The following SSH2 variants were observed in gnomAD, a reference collection of about 807,000 sequenced individuals.
The protein encoded by SSH2 is slingshot protein phosphatase 2.
SSH2 carries 37 observed loss-of-function variants against 135.2 expected under a neutral mutation model. That is an observed-to-expected ratio of 0.27 (90% CI 0.21 to 0.36). The LOEUF (loss-of-function observed/expected upper bound fraction) is 0.36. SSH2 is among the 10% of genes least tolerant of loss of function. The pLI is 1.00. For missense variants in SSH2, 1,408 were observed against 1,765.3 expected (o/e 0.80, Z 3.63); for synonymous variants, 628 against 646.2 (o/e 0.97, Z 0.43).
At chr17:29,648,415 A>G (rs2036463146) in intron 13 of SSH2, 71 bp from the exon 14 acceptor site, 1 of 1,327,198 alleles carries the variant, frequency 7.5e-7, no homozygotes, top group African/African-American at 1.5e-5. Context: ...GTTGGTTTCT[A>G]GATTTTTCCA....
chr17:29,790,738 T>C (rs555213096), intron 3 of SSH2, among the ~76,000 whole-genome samples: 1 of 152,054 alleles, frequency 6.6e-6, no homozygotes, highest in South Asian at 2.1e-4. Context: ...GATTTTTTTT[T>C]TTTTTTTTGA....
In SSH2 at chr17:29,808,004, C is replaced by T. The variant is rs562741319; in HGVS notation, c.145-14067G>A. Among the ~76,000 whole-genome samples the T allele has an allele frequency of 5.3e-5, 8 of 152,236 alleles. No homozygotes were observed. The South Asian group carries it at 1.7e-3, about 32-fold the overall frequency. Reference sequence around the variant, plus strand: ...GTTGAACTGGAGAAAGCAGTGCATTCATAGAAAATTCTGAGAAAATTATTT... The same window carrying T: ...GTTGAACTGGAGAAAGCAGTGCATTTATAGAAAATTCTGAGAAAATTATTT... On this transcript the variant is annotated intron_variant, in intron 2 of 15. Transcript: ENST00000540801.
chr17:29,700,072 C>A (rs753028765), intron 4 of SSH2, among the ~76,000 whole-genome samples: 3 of 152,154 alleles, frequency 2.0e-5, no homozygotes, highest in Non-Finnish European at 4.4e-5. Context: ...CTAAAACAGC[C>A]GAGATTATCT....
At position 29,745,562 on chromosome 17, in the gene SSH2, A is replaced by T. The variant is rs189725932; in HGVS notation, c.189-42500T>A. Among the ~76,000 whole-genome samples the T allele has an allele frequency of 1.6e-4, 24 of 152,254 alleles. No homozygotes were observed. The East Asian group carries it at 1.7e-3, about 11-fold the overall frequency. ...TGTGCTCTTATTTATCCCTTCATTG[A>T]CGTCTTATTTCCTCAACAAACTGAG... On this transcript the variant is annotated intron_variant, in intron 3 of 15. Coordinates refer to ENST00000540801, the MANE Select transcript of SSH2 (RefSeq NM_001282129.2).
chr17:29,913,349 TATATATATATATATA>T (rs1241402451), intron 1 of SSH2, among the ~76,000 whole-genome samples: 4 of 16,606 alleles, frequency 2.4e-4, no homozygotes, highest in Admixed American at 1.4e-3. Context: ...AAAAAAAAAA[TATATATATATATATA>T]TATATATATA....
intron 11 of SSH2, among the ~76,000 whole-genome samples, chr17:29,657,123 T>A (rs1230177755): frequency 1.3e-5 from 2 of 152,132 alleles, no homozygotes; most frequent in Non-Finnish European, 2.9e-5. Flanking sequence ...TGCATCACCA[T>A]GCCCAGCTGA....
chr17:29,881,501 T>G (rs1165683591), intron 1 of SSH2, among the ~76,000 whole-genome samples: 2 of 152,040 alleles, frequency 1.3e-5, no homozygotes, highest in Non-Finnish European at 2.9e-5. Flanking sequence ...TCTCTCTTTC[T>G]CTTTCTTTCT....
chr17:29,765,199 C>G (rs2041415308), intron 3 of SSH2, among the ~76,000 whole-genome samples: 1 of 152,126 alleles, frequency 6.6e-6, no homozygotes, highest in Non-Finnish European at 1.5e-5. Flanking sequence ...TCTGGAGAAT[C>G]CTGAGAAAAT....
At chr17:29,742,491 T>TTC (rs1555625214) in intron 3 of SSH2, among the ~76,000 whole-genome samples, 1 of 146,722 alleles carries the variant, frequency 6.8e-6, no homozygotes, top group African/African-American at 2.5e-5. Context: ...GTTTTTTTTT[T>TTC]TTTTTTTTTC....
intron 1 of SSH2, among the ~76,000 whole-genome samples, chr17:29,927,458 T>G (rs1482336635): frequency 6.6e-6 from 1 of 152,192 alleles, no homozygotes; most frequent in Non-Finnish European, 1.5e-5. Context: ...TAAAATGCCC[T>G]GCATCCTATA....
intron 5 of SSH2, among the ~76,000 whole-genome samples, chr17:29,689,358 T>G (rs1419071034): frequency 6.6e-6 from 1 of 152,210 alleles, no homozygotes; most frequent in South Asian, 2.1e-4. Flanking sequence ...ATTTTGTACA[T>G]AATATCCTAA....
At chr17:29,751,533 T>C (rs913692042) in intron 3 of SSH2, among the ~76,000 whole-genome samples, 1 of 152,232 alleles carries the variant, frequency 6.6e-6, no homozygotes, top group Non-Finnish European at 1.5e-5. Context: ...CATTATGTAC[T>C]GTACATAACT....
At chr17:29,801,152 A>G (rs1245118749) in intron 2 of SSH2, among the ~76,000 whole-genome samples, 3 of 152,316 alleles carry the variant, frequency 2.0e-5, no homozygotes, top group Admixed American at 2.0e-4. Context: ...GGCATAAGCC[A>G]CCATGCCTGG....
At chr17:29,823,716 TA>T (rs2042694403) in intron 2 of SSH2, among the ~76,000 whole-genome samples, 1 of 151,896 alleles carries the variant, frequency 6.6e-6, no homozygotes, top group African/African-American at 2.4e-5. Flanking sequence ...CCATTGCTAC[TA>T]AAAATACAAA....
Position 29,773,324 on chromosome 17 carries a change from T to G in SSH2, c.188+20570A>C, listed in dbSNP as rs2041628350. ...AAAAGACAAGGGGTCCTATTCCTTG[T>G]CATTACACAGTAGAATAGAAAATAT... On this transcript the variant is annotated intron_variant, in intron 3 of 15. Transcript: ENST00000540801. 2.0e-5 allele frequency among the ~76,000 whole-genome samples: 3 copies of G among 152,178 alleles called. No homozygotes were observed. The South Asian group carries it at 6.2e-4, about 31-fold the overall frequency.
chr17:29,627,704 T>C lies in SSH2; in HGVS notation c.*3137A>G, dbSNP rs1350928596. On this transcript the variant is annotated 3_prime_UTR_variant, in exon 16 of 16. Coordinates refer to ENST00000540801, the MANE Select transcript of SSH2 (RefSeq NM_001282129.2). ...AGGAGAGATGAATATTACGGTACTA[T>C]AGTACTACATGTCTACTACAGTATC... 6.6e-6 allele frequency: 1 copy of C among 152,632 alleles called. No individual in the cohort carries two copies. Among genetic ancestry groups the C allele is most frequent in the African/African-American group, 2.4e-5 (1 of 41,442 alleles). 9.5% of individuals were successfully genotyped at this position (152,632 alleles called of 1,614,324 possible).
In SSH2 at chr17:29,632,883, C is replaced by T. The variant is rs1207385216; in HGVS notation, c.2311G>A (p.Glu771Lys). ...ATTTCTTTGACTGAAATTGCATTTTCCGAGTGAGACTGCATGAAGATGTCT... is the reference window on the plus strand; with the variant it reads ...ATTTCTTTGACTGAAATTGCATTTTTCGAGTGAGACTGCATGAAGATGTCT... ...SPDIFMQSHS[E>K]NAISVKEIVT... The change falls in exon 16 of 16, where the codon GAA (glutamate) becomes AAA (lysine). Residue 771 changes from glutamate (E) to lysine (K), a missense_variant. Around this residue, in one of 3 missense-constraint regions of SSH2, gnomAD observed 1,080 missense variants for 1,144.5 expected, o/e 0.94. Coordinates refer to ENST00000540801, the MANE Select transcript of SSH2 (RefSeq NM_001282129.2). 7 of 1,613,806 alleles carry T rather than the reference C, an allele frequency of 4.3e-6. No individual in the cohort carries two copies. The highest frequency in any genetic ancestry group is 5.9e-6 in the Non-Finnish European group (7 of 1,179,874).
chr17:29,702,881 G>A (rs2039044232), intron 4 of SSH2, 78 bp downstream of exon 4: 2 of 1,088,216 alleles, frequency 1.8e-6, no homozygotes, highest in Admixed American at 3.4e-5. Flanking sequence ...GAAGAGATGG[G>A]GATGAGGTAG....
chr17:29,856,996 G>T (rs1239806676), intron 1 of SSH2, among the ~76,000 whole-genome samples: 4 of 152,124 alleles, frequency 2.6e-5, no homozygotes, highest in African/African-American at 9.7e-5. Context: ...AGATTTGGGT[G>T]GGGATGCAGC....
Sources: allele counts gnomAD v4.1 joint callset (sites outside exome capture counted in the v4.1 genomes callset), GRCh38; gene constraint gnomAD v4.1.1; regional missense constraint gnomAD v4.1.1; transcripts MANE v1.5; gene names NCBI Gene and HGNC (gene_info 2026-07-23, HGNC 2026-07-21).